The following TMC3 variants were observed in gnomAD, a reference collection of about 807,000 sequenced individuals.
TMC3 encodes the protein transmembrane channel-like protein 3.
Under a neutral mutation model 110.6 loss-of-function variants are expected in TMC3, and 98 were observed. The ratio of observed to expected loss-of-function variants is 0.89; its 90% CI spans 0.75 to 1.05. The LOEUF (loss-of-function observed/expected upper bound fraction) is 1.05, where lower values mean the gene tolerates loss of function less well. Ranked by LOEUF, TMC3 falls within the 50% of genes least tolerant of loss-of-function variation. TMC3 has a pLI of 0.00. For synonymous variants in TMC3, 489 were observed against 513.1 expected (o/e 0.95, Z 0.63); for missense variants, 1,319 against 1,373.2 (o/e 0.96, Z 0.62).
intron 19 of TMC3, 84 bp from the exon 20 acceptor site, chr15:81,336,735 T>G: frequency 2.2e-6 from 3 of 1,368,476 alleles, no homozygotes; most frequent in Non-Finnish European, 3.1e-6. Flanking sequence ...GAGAAAAAGA[T>G]TTACATGCCA....
intron 10 of TMC3, among the ~76,000 whole-genome samples, chr15:81,350,140 C>T (rs1458698619): frequency 6.6e-6 from 1 of 151,562 alleles, no homozygotes; most frequent in Non-Finnish European, 1.5e-5. Context: ...GAAACTGTGG[C>T]AGAAGAATTT....
chr15:81,335,762 C>T (rs961932056), intron 20 of TMC3: 3 of 152,302 alleles, frequency 2.0e-5, no homozygotes, highest in African/African-American at 7.2e-5. Context: ...GCTCACAGCA[C>T]TCTGTTAGTG....
chr15:81,341,387 C>G lies in TMC3; in HGVS notation c.1844+3G>C. ...TGCATGATCAGATCTTATTCTTACT[C>G]ACCTTGAGGCTCGAAATACTTGCTG... On this transcript the variant is annotated splice_donor_region_variant and intron_variant, in intron 16 of 21. Coordinates refer to ENST00000359440, the MANE Select transcript of TMC3 (RefSeq NM_001080532.3). The G allele has an allele frequency of 6.2e-7, 1 of 1,608,448 alleles. No individual in the cohort carries two copies. The highest frequency in any genetic ancestry group is 8.5e-7 in the Non-Finnish European group (1 of 1,177,102).
At chr15:81,333,386 G>C (rs1466143382) in intron 21 of TMC3, 124 bp from the exon 22 acceptor site, 21 of 1,306,268 alleles carry the variant, frequency 1.6e-5, no homozygotes, top group African/African-American at 3.0e-5. Flanking sequence ...CTGGTTAATG[G>C]GTATGGATTG....
At chr15:81,349,097 C>T (rs1246369117) in intron 11 of TMC3, among the ~76,000 whole-genome samples, 1 of 152,228 alleles carries the variant, frequency 6.6e-6, no homozygotes, top group African/African-American at 2.4e-5. Flanking sequence ...TCCCAAAGTA[C>T]TGGGATTACA....
chr15:81,369,877 G>T (rs1894396531), intron 2 of TMC3, among the ~76,000 whole-genome samples: 1 of 152,164 alleles, frequency 6.6e-6, no homozygotes, highest in East Asian at 1.9e-4. Context: ...GGTGAGCTGT[G>T]ATCCAGCCAC....
chr15:81,357,770 A>G (rs1445841340), intron 7 of TMC3, among the ~76,000 whole-genome samples: 2 of 152,248 alleles, frequency 1.3e-5, no homozygotes, highest in Non-Finnish European at 2.9e-5. Flanking sequence ...CACCTAGATC[A>G]TATTGCTTAT....
chr15:81,364,402 A>G (rs755670752), intron 3 of TMC3, among the ~76,000 whole-genome samples: 4 of 152,188 alleles, frequency 2.6e-5, no homozygotes, highest in Non-Finnish European at 5.9e-5. Context: ...CCAAATCTCC[A>G]CAGCAAAAGC....
intron 20 of TMC3, chr15:81,336,235 A>T (rs1893591476): frequency 5.9e-6 from 1 of 170,308 alleles, no homozygotes; most frequent in Non-Finnish European, 1.3e-5. Context: ...TGTATTTTTA[A>T]ATGCCCACTA....
Position 81,333,241 on chromosome 15 carries a change from T to C in TMC3, c.2481A>G (p.Ala827=). The change falls in exon 22 of 22, where the codon GCA becomes GCG. Residue 827 remains alanine (A), a synonymous_variant. Coordinates refer to ENST00000359440, the MANE Select transcript of TMC3 (RefSeq NM_001080532.3). ...TGTTCCTGTGAAGGTCACTGGTGCT[T>C]GCACACAGACCGTGCAGATACCTGT... is the stretch of plus-strand genomic sequence containing the variant. ...ETNRYLHGLC[A]STSDLHRNRS... The C allele has an allele frequency of 1.9e-6, 3 of 1,612,108 alleles. No homozygotes were observed. The highest frequency in any genetic ancestry group is 2.7e-5 in the African/African-American group (2 of 75,016).
chr15:81,366,645 A>G (rs1449796708), intron 3 of TMC3, among the ~76,000 whole-genome samples: 1 of 152,234 alleles, frequency 6.6e-6, no homozygotes, highest in Non-Finnish European at 1.5e-5. Flanking sequence ...TTGGTAGTTC[A>G]TATGTCTACA....
At chr15:81,352,771 G>T (rs7163199) in intron 9 of TMC3, among the ~76,000 whole-genome samples, 1 of 152,068 alleles carries the variant, frequency 6.6e-6, no homozygotes, top group Non-Finnish European at 1.5e-5. Flanking sequence ...TCCTGACTCC[G>T]TGCAGGCCTA....
At position 81,362,343 on chromosome 15, in the gene TMC3, A is replaced by C. The variant is rs757705785; in HGVS notation, c.313-42T>G. ...AGGATTAGAGAGGTCACGTACATGA[A>C]GATGGCAATGGCTGTGCAGTACTAG... is the stretch of plus-strand genomic sequence containing the variant. On this transcript the variant is annotated intron_variant, in intron 3 of 21. Coordinates refer to ENST00000359440, the MANE Select transcript of TMC3 (RefSeq NM_001080532.3). The C allele has an allele frequency of 9.9e-6, 15 of 1,522,230 alleles. No individual in the cohort carries two copies. The East Asian group carries it at 2.7e-4, about 28-fold the overall frequency. 94.3% of individuals were successfully genotyped at this position (1,522,230 alleles called of 1,614,324 possible). A position where few individuals can be genotyped will look rare whatever the true frequency, so the allele number is the denominator to read the frequency against.
rs200422604 is a variant in TMC3 at position 81,333,750 on chromosome 15, A to G, written c.2460-488T>C. 7.9e-5 allele frequency among the ~76,000 whole-genome samples: 12 copies of G among 152,242 alleles called. No individual in the cohort carries two copies. The East Asian group carries it at 2.3e-3, about 29-fold the overall frequency. ...ACATTTGTAATCCCAGCGCTTTGGGAGGCCAAGGCAGGTGGATCACTTAAG... is the reference window on the plus strand; with the variant it reads ...ACATTTGTAATCCCAGCGCTTTGGGGGGCCAAGGCAGGTGGATCACTTAAG... On this transcript the variant is annotated intron_variant, in intron 21 of 21. Transcript: ENST00000359440.
intron 15 of TMC3, chr15:81,343,074 A>G: frequency 2.0e-6 from 1 of 504,876 alleles, no homozygotes; most frequent in Non-Finnish European, 3.5e-6. Flanking sequence ...TTAAACATGG[A>G]TTATTTTCTT....
chr15:81,343,661 G>T (rs1893759359), intron 14 of TMC3, among the ~76,000 whole-genome samples: 1 of 151,382 alleles, frequency 6.6e-6, no homozygotes, highest in African/African-American at 2.4e-5. Flanking sequence ...ATGGTGGCAT[G>T]TGCCTATAGT....
intron 6 of TMC3, 37 bp from the exon 7 acceptor site, chr15:81,358,328 G>A (rs375817855): frequency 2.1e-5 from 34 of 1,597,450 alleles, no homozygotes; most frequent in Middle Eastern, 1.7e-4. Context: ...TCTGCTTCCC[G>A]TTCCCAGGTC....
At chr15:81,353,102 G>T (rs1319987813) in intron 9 of TMC3, among the ~76,000 whole-genome samples, 2 of 152,086 alleles carry the variant, frequency 1.3e-5, no homozygotes, top group African/African-American at 2.4e-5. Flanking sequence ...GATTACAGGT[G>T]TGTGCCACCA....
intron 10 of TMC3, 132 bp downstream of exon 10, chr15:81,351,562 G>C: frequency 8.6e-7 from 1 of 1,160,704 alleles, no homozygotes; most frequent in South Asian, 1.6e-5. Flanking sequence ...ATGTTGGCCA[G>C]GCTGGGCTGG....
Sources: allele counts gnomAD v4.1 joint callset (sites outside exome capture counted in the v4.1 genomes callset), GRCh38; gene constraint gnomAD v4.1.1; transcripts MANE v1.5; gene names NCBI Gene and HGNC (gene_info 2026-07-23, HGNC 2026-07-21).